HSD11B2: variants seen among roughly 807,000 people sequenced by gnomAD.
HSD11B2 encodes 11-beta-hydroxysteroid dehydrogenase type 2.
A neutral mutation model predicts 20.9 loss-of-function variants in HSD11B2; 17 were observed. The observed-to-expected ratio is 0.81, with a 90% CI of 0.56 to 1.22. HSD11B2 has a LOEUF of 1.22. HSD11B2 is among the 50% of genes most tolerant of loss of function. The probability of loss-of-function intolerance (pLI) is 0.00; values close to 1 mark genes in which losing one functional copy is unlikely to be tolerated. For synonymous variants in HSD11B2, 253 were observed against 255.4 expected (o/e 0.99, Z 0.09); for missense variants, 480 against 563.6 (o/e 0.85, Z 1.50).
chr16:67,430,635 GGCGGCA>G (rs993436145), upstream of HSD11B2: 9 of 154,036 alleles, frequency 5.8e-5, no homozygotes, highest in South Asian at 1.8e-4. This position sits in a 1 kb window ranked among gnomAD's most constrained non-coding sequence, Gnocchi z 5.4. Context: ...TACGGGCGCG[GGCGGCA>G]GCGGCAGCGG....
intron 1 of HSD11B2, among the ~76,000 whole-genome samples, chr16:67,433,869 A>G (rs1216999629): frequency 1.5e-5 from 2 of 133,676 alleles, no homozygotes; most frequent in East Asian, 4.9e-4. Flanking sequence ...GTCCAGGAGT[A>G]GGGAAACAGA....
chr16:67,434,943 C>T (rs963268180), intron 1 of HSD11B2, among the ~76,000 whole-genome samples: 20 of 151,712 alleles, frequency 1.3e-4, no homozygotes, highest in African/African-American at 2.2e-4. Flanking sequence ...GCAGGAGAAT[C>T]GCTTGAACCC....
chr16:67,435,927 A>G, intron 2 of HSD11B2, 30 bp from the exon 3 acceptor site: 1 of 1,614,038 alleles, frequency 6.2e-7, no homozygotes, highest in Non-Finnish European at 8.5e-7. Flanking sequence ...GGCTGACCTA[A>G]GGCTTCCCTC....
At chr16:67,435,016 G>A (rs1336301198) in intron 1 of HSD11B2, among the ~76,000 whole-genome samples, 1 of 149,790 alleles carries the variant, frequency 6.7e-6, no homozygotes, top group African/African-American at 2.5e-5. Flanking sequence ...GCAACAGAGT[G>A]AGACTCCGTC....
rs758851857 is a variant in HSD11B2 at position 67,436,738 on chromosome 16, T to C, written c.953T>C (p.Leu318Pro). The C allele has an allele frequency of 7.4e-6, 12 of 1,613,976 alleles. No individual in the cohort carries two copies. The highest frequency in any genetic ancestry group is 1.0e-5 in the Non-Finnish European group (12 of 1,180,046). The change falls in exon 5 of 5, where the codon CTC becomes CCC. Residue 318 changes from leucine to proline, a missense_variant. Leu to Pro is a moderately conservative substitution (Grantham distance 98). This residue lies in a region of HSD11B2 where 374 missense variants were observed against 480.9 expected (regional missense o/e 0.78). Coordinates refer to ENST00000326152, the MANE Select transcript of HSD11B2 (RefSeq NM_000196.4). This position sits in a 1 kb window ranked among gnomAD's most constrained non-coding sequence, Gnocchi z 5.7. Reference sequence around the variant, plus strand: ...TCGCTACGCCTGGCCATGTCCGACCTCACCCCAGTTGTAGATGCCATCACA... The same window carrying C: ...TCGCTACGCCTGGCCATGTCCGACCCCACCCCAGTTGTAGATGCCATCACA... ...LHSLRLAMSD[L>P]TPVVDAITDA... is the part of the protein sequence containing the mutation.
Position 67,431,205 on chromosome 16 carries a change from C to G in HSD11B2, c.-44C>G. 9.1e-7 allele frequency: 1 copy of G among 1,103,642 alleles called. No individual in the cohort carries two copies. The highest frequency in any genetic ancestry group is 1.1e-6 in the Non-Finnish European group (1 of 895,708). The allele number at this position is 1,103,642 out of a possible 1,614,324, so 68.4% of individuals were successfully genotyped here. A position where few individuals can be genotyped will look rare whatever the true frequency, so the allele number is the denominator to read the frequency against. ...CTAGAAGCTCTCTCTCCCCGCTCCC[C>G]GGCCCGGCCCCCGCCCCGCCCCGCC... On this transcript the variant is annotated 5_prime_UTR_variant, in exon 1 of 5. Coordinates refer to ENST00000326152, the MANE Select transcript of HSD11B2 (RefSeq NM_000196.4).
rs2040976661 is a variant in HSD11B2, at chr16:67,436,643, C to T, written c.858C>T (p.Asn286=). 1.2e-6 allele frequency: 2 copies of T among 1,614,076 alleles called. No individual in the cohort carries two copies. The highest frequency in any genetic ancestry group is 1.7e-6 in the Non-Finnish European group (2 of 1,180,042). The change falls in exon 5 of 5, where the codon AAC becomes AAT. Residue 286 remains asparagine (N), a synonymous_variant. Transcript: ENST00000326152. This position sits in a 1 kb window ranked among gnomAD's most constrained non-coding sequence, Gnocchi z 5.7. The part of the protein sequence containing the change: ...WEKRKQLLLA[N]LPQELLQAYG... The stretch of plus-strand genomic sequence containing the variant: ...AGCGCAAGCAATTGCTGCTGGCCAA[C>T]CTGCCTCAAGAGCTGCTGCAGGCCT...
At chr16:67,432,270 G>GC (rs1232286626) in intron 1 of HSD11B2, among the ~76,000 whole-genome samples, 1 of 152,036 alleles carries the variant, frequency 6.6e-6, no homozygotes, top group Non-Finnish European at 1.5e-5. Context: ...GGGGGGGGGG[G>GC]GCTGGAGGCC....
Position 67,436,268 on chromosome 16 carries a change from C to G in HSD11B2, c.684C>G (p.Cys228Trp). The change falls in exon 4 of 5, where the codon TGC (cysteine) becomes TGG (tryptophan). Residue 228 changes from cysteine (C) to tryptophan (W), a missense_variant. Cys to Trp is a radical substitution (Grantham distance 215). Coordinates refer to ENST00000326152, the MANE Select transcript of HSD11B2 (RefSeq NM_000196.4). The surrounding 1 kb of genome is among the most constrained non-coding windows in gnomAD (Gnocchi z 5.7). ...CCGCAGGGGACATGCCATATCCGTG[C>G]TTGGGGGCCTATGGAACCTCCAAAG... ...GSPAGDMPYPCLGAYGTSKAA... is the reference protein window; with the variant it reads ...GSPAGDMPYPWLGAYGTSKAA... 1 of 1,614,112 alleles carries G rather than the reference C, an allele frequency of 6.2e-7. No individual in the cohort carries two copies. Among genetic ancestry groups the G allele is most frequent in the Non-Finnish European group, 8.5e-7 (1 of 1,180,026 alleles).
rs1489821140 is a variant in HSD11B2 at position 67,436,947 on chromosome 16, G to A, written c.1162G>A (p.Asp388Asn). The change falls in exon 5 of 5, where the codon GAC becomes AAC. Residue 388 changes from aspartate to asparagine, a missense_variant. Physicochemically the swap from Asp to Asn is conservative, Grantham distance 23. Coordinates refer to ENST00000326152, the MANE Select transcript of HSD11B2 (RefSeq NM_000196.4). This position sits in a 1 kb window ranked among gnomAD's most constrained non-coding sequence, Gnocchi z 5.7. ...CCAGCCTGGCACTACCCCACCACAG[G>A]ACGCAGCCCAGGACCCAAACCTGAG... The part of the protein sequence containing the change: ...PGQPGTTPPQ[D>N]AAQDPNLSPG... 1 of 1,611,854 alleles carries A rather than the reference G, an allele frequency of 6.2e-7. No individual in the cohort carries two copies. Among genetic ancestry groups the A allele is most frequent in the African/African-American group, 1.3e-5 (1 of 75,046 alleles).
upstream of HSD11B2, chr16:67,431,113 C>T: frequency 4.0e-6 from 1 of 249,448 alleles, no homozygotes; most frequent in Non-Finnish European, 6.1e-6. Context: ...GGCCCGAGGG[C>T]GAGCAGAGAA....
At chr16:67,433,440 CAT>C (rs2040946809) in intron 1 of HSD11B2, among the ~76,000 whole-genome samples, 3 of 152,056 alleles carry the variant, frequency 2.0e-5, no homozygotes, top group African/African-American at 4.8e-5. Flanking sequence ...CACATGTGCA[CAT>C]GTGTGTGCCA....
rs751200338 is a variant in HSD11B2, at chr16:67,436,384, C to CAGGT, written c.801_802+2dup. On this transcript the variant is annotated frameshift_variant and splice_region_variant, in exon 4 of 5. Transcript: ENST00000326152. LOFTEE classifies it high-confidence loss of function. This position sits in a 1 kb window ranked among gnomAD's most constrained non-coding sequence, Gnocchi z 5.7. ...ATCATCCAGCCTGGCTGCTTCAAGA[C>CAGGT]AGGTGGGAATCAGGGCTGGGGGTGG... The CAGGT allele has an allele frequency of 1.0e-5, 11 of 1,088,270 alleles. No homozygotes were observed. The highest frequency in any genetic ancestry group is 1.4e-5 in the Non-Finnish European group (11 of 810,128). The allele number at this position is 1,088,270 out of a possible 1,614,324, so 67.4% of individuals were successfully genotyped here. A position where few individuals can be genotyped will look rare whatever the true frequency, so the allele number is the denominator to read the frequency against.
At chr16:67,430,277 G>A (rs956431856), upstream of HSD11B2, among the ~76,000 whole-genome samples, 1 of 152,316 alleles carries the variant, frequency 6.6e-6, no homozygotes, top group Admixed American at 6.5e-5. The surrounding 1 kb of genome is among the most constrained non-coding windows in gnomAD (Gnocchi z 5.4). Flanking sequence ...CCCTGTCCTA[G>A]AGGCTGCCTT....
intron 1 of HSD11B2, among the ~76,000 whole-genome samples, chr16:67,433,922 C>T (rs1331507699): frequency 1.1e-5 from 1 of 89,886 alleles, no homozygotes; most frequent in African/African-American, 4.4e-5. Flanking sequence ...GGTTGGGGGG[C>T]GGGGTTGAGG....
At chr16:67,435,536 C>A in intron 1 of HSD11B2, 92 bp from the exon 2 acceptor site, 1 of 1,001,324 alleles carries the variant, frequency 1.0e-6, no homozygotes, top group African/African-American at 1.6e-5. Flanking sequence ...TTTGCAGGGG[C>A]CTGGATCCCA....
rs776852403 is a variant in HSD11B2 at position 67,431,290 on chromosome 16, C to G, written c.42C>G (p.Leu14=). The G allele has an allele frequency of 2.1e-5, 26 of 1,266,788 alleles. No individual in the cohort carries two copies. The East Asian group carries it at 9.0e-4, about 44-fold the overall frequency. 78.5% of individuals were successfully genotyped at this position (1,266,788 alleles called of 1,614,324 possible). Residue 14 remains leucine, a synonymous_variant, in exon 1 of 5, where the codon CTC becomes CTG. Transcript: ENST00000326152. ...GGCCGTCGGGCGGCGCCTGGCTGCTCGTGGCTGCCCGCGCGCTGCTGCAGC... is the reference window on the plus strand; with the variant it reads ...GGCCGTCGGGCGGCGCCTGGCTGCTGGTGGCTGCCCGCGCGCTGCTGCAGC... The part of the protein sequence containing the change: ...WPWPSGGAWL[L]VAARALLQLL...
rs370814654 is a variant in HSD11B2 at position 67,436,120 on chromosome 16, C to A, written c.642C>A (p.Ile214=). The change falls in exon 3 of 5, where the codon ATC becomes ATA. Residue 214 remains isoleucine (I), a synonymous_variant. Transcript: ENST00000326152. The surrounding 1 kb of genome is among the most constrained non-coding windows in gnomAD (Gnocchi z 5.7). ...TGCTGCGCAGCTCAAGGGGCCGCAT[C>A]GTGACTGTGGGGAGCCCAGCGGGTG... is the stretch of plus-strand genomic sequence containing the variant. ...LPLLRSSRGR[I]VTVGSPAGDM... 2.5e-6 allele frequency: 4 copies of A among 1,613,772 alleles called. No homozygotes were observed. In the African/African-American group the frequency reaches 4.0e-5, roughly 16 times the overall value.
chr16:67,431,163 G>C lies in HSD11B2; in HGVS notation c.-86G>C. The C allele has an allele frequency of 1.4e-6, 1 of 694,904 alleles. No homozygotes were observed. The highest frequency in any genetic ancestry group is 1.8e-6 in the Non-Finnish European group (1 of 556,570). The allele number at this position is 694,904 out of a possible 1,614,324, so 43.0% of individuals were successfully genotyped here. On this transcript the variant is annotated 5_prime_UTR_variant, in exon 1 of 5. Coordinates refer to ENST00000326152, the MANE Select transcript of HSD11B2 (RefSeq NM_000196.4). ...TCGCGCCCCAGGCCGGTGTACCCCC[G>C]CACTCCGCGCCCCGGCCTAGAAGCT... is the stretch of plus-strand genomic sequence containing the variant.
Sources: gnomAD v4.1 joint callset for allele counts (sites outside exome capture counted in the v4.1 genomes callset) on GRCh38, gnomAD v4.1.1 for gene constraint, gnomAD v4.1.1 regional missense constraint, Gnocchi (gnomAD v3.1) non-coding constraint, MANE v1.5 for transcripts, NCBI Gene and HGNC (gene_info 2026-07-23, HGNC 2026-07-21) for gene names.